The following OXR1 variants were observed in gnomAD, a reference collection of about 807,000 sequenced individuals.
The protein encoded by OXR1 is oxidation resistance 1, also known as oxidation resistance protein 1.
In OXR1, 41 loss-of-function variants were observed where a neutral mutation model predicts 104.6. The observed-to-expected ratio is 0.39, with a 90% CI of 0.31 to 0.51. The LOEUF (loss-of-function observed/expected upper bound fraction) is 0.51, where lower values mean the gene tolerates loss of function less well. Ranked by LOEUF, OXR1 falls within the 20% of genes least tolerant of loss-of-function variation. The pLI, the probability that OXR1 is intolerant of heterozygous loss-of-function variation, is 0.77. For synonymous variants in OXR1, 348 were observed against 348.4 expected (o/e 1.00, Z 0.01); for missense variants, 955 against 1,031.9 (o/e 0.93, Z 1.02).
At chr8:106,299,090 CA>C (rs1813125705) in intron 1 of OXR1, among the ~76,000 whole-genome samples, 1 of 152,022 alleles carries the variant, frequency 6.6e-6, no homozygotes, top group African/African-American at 2.4e-5. Flanking sequence ...TTTTAGACCA[CA>C]AAAGTTCATT....
chr8:106,493,821 G>T (rs1414385145), intron 2 of OXR1, among the ~76,000 whole-genome samples: 2 of 152,124 alleles, frequency 1.3e-5, no homozygotes, highest in Non-Finnish European at 2.9e-5. Flanking sequence ...GGCTAATTTA[G>T]TATTACATTA....
intron 2 of OXR1, among the ~76,000 whole-genome samples, chr8:106,454,891 G>A (rs1213151608): frequency 1.3e-5 from 2 of 151,944 alleles, no homozygotes; most frequent in South Asian, 4.1e-4. Context: ...AGATGGACGG[G>A]GTCTCTTCCG....
chr8:106,561,534 G>A (rs1315917100), intron 3 of OXR1, among the ~76,000 whole-genome samples: 2 of 152,170 alleles, frequency 1.3e-5, no homozygotes. Flanking sequence ...AGGAAGGGGC[G>A]GCTGTGGGCG....
chr8:106,420,909 G>T (rs571849538), intron 2 of OXR1, among the ~76,000 whole-genome samples: 1 of 151,956 alleles, frequency 6.6e-6, no homozygotes, highest in South Asian at 2.1e-4. Context: ...CACACTATAA[G>T]GGAAACTGCT....
At chr8:106,284,859 A>G (rs1469518335) in intron 1 of OXR1, among the ~76,000 whole-genome samples, 3 of 152,146 alleles carry the variant, frequency 2.0e-5, no homozygotes, top group Non-Finnish European at 2.9e-5. Flanking sequence ...TGCTATTGCC[A>G]TAGCTTACTT....
At chr8:106,495,543 A>C (rs1021605060) in intron 2 of OXR1, among the ~76,000 whole-genome samples, 1 of 152,186 alleles carries the variant, frequency 6.6e-6, no homozygotes, top group African/African-American at 2.4e-5. Context: ...AGCAGAAGTT[A>C]CTAGAAGTTT....
At chr8:106,496,542 A>G (rs760822963) in intron 2 of OXR1, among the ~76,000 whole-genome samples, 9 of 152,210 alleles carry the variant, frequency 5.9e-5, no homozygotes, top group South Asian at 2.1e-4. Context: ...CAACATTACT[A>G]GTACTATACC....
At chr8:106,737,466 T>TTTG in intron 11 of OXR1, 54 bp from the exon 12 acceptor site, 2 of 382,640 alleles carry the variant, frequency 5.2e-6, no homozygotes, top group Non-Finnish European at 9.2e-6. Flanking sequence ...TTTTTTTTTT[T>TTTG]GCTGTTTTTC....
At chr8:106,428,051 T>G (rs1819204185) in intron 2 of OXR1, among the ~76,000 whole-genome samples, 1 of 152,212 alleles carries the variant, frequency 6.6e-6, no homozygotes, top group South Asian at 2.1e-4. Flanking sequence ...ATTTAGTTGC[T>G]GTGGGTGGCT....
At chr8:106,535,111 C>A (rs1436583411) in intron 3 of OXR1, among the ~76,000 whole-genome samples, 1 of 152,138 alleles carries the variant, frequency 6.6e-6, no homozygotes, top group South Asian at 2.1e-4. Context: ...TACAGGCACC[C>A]GCCACCACAC....
intron 2 of OXR1, among the ~76,000 whole-genome samples, chr8:106,441,580 C>T (rs1819785580): frequency 6.6e-6 from 1 of 152,088 alleles, no homozygotes; most frequent in African/African-American, 2.4e-5. Context: ...TTTGTGTCCT[C>T]TCTTACTTCC....
chr8:106,679,043 C>T (rs28921395), intron 3 of OXR1, among the ~76,000 whole-genome samples, 167 bp from the exon 4 acceptor site: 18,645 of 151,866 alleles, frequency 0.12, 1,427 homozygotes, highest in East Asian at 0.33. Context: ...GTAGGAAGTT[C>T]AGTTCCTTTT....
chr8:106,448,544 T>C (rs943683010), intron 2 of OXR1, among the ~76,000 whole-genome samples: 1 of 152,146 alleles, frequency 6.6e-6, no homozygotes, highest in Non-Finnish European at 1.5e-5. Context: ...CTAAAATTAC[T>C]TGAAAAAAAC....
intron 3 of OXR1, among the ~76,000 whole-genome samples, chr8:106,633,868 G>C (rs143274152): frequency 2.9e-4 from 44 of 152,266 alleles, no homozygotes; most frequent in Non-Finnish European, 5.4e-4. Context: ...TTGAGGATTT[G>C]CTCCAAACTG....
chr8:106,740,627 A>G, intron 14 of OXR1, 132 bp downstream of exon 14: 1 of 718,460 alleles, frequency 1.4e-6, no homozygotes, highest in Non-Finnish European at 2.3e-6. Context: ...GGTACTTTTA[A>G]TATGCAAGGC....
intron 3 of OXR1, among the ~76,000 whole-genome samples, chr8:106,582,479 G>T (rs549723213): frequency 1.3e-5 from 2 of 152,046 alleles, no homozygotes; most frequent in African/African-American, 4.8e-5. Context: ...GCCTGCCATT[G>T]TAGAGCTTAC....
chr8:106,319,152 T>C (rs1814106088), intron 1 of OXR1, among the ~76,000 whole-genome samples: 1 of 152,240 alleles, frequency 6.6e-6, no homozygotes. Context: ...AACTGATTGC[T>C]TCATGGGTTC....
At chr8:106,520,466 G>A (rs185314672) in intron 3 of OXR1, 1 of 152,162 alleles carries the variant, frequency 6.6e-6, no homozygotes, top group Non-Finnish European at 1.5e-5. Flanking sequence ...TCAGAATTTG[G>A]CTGCTAAAAC....
chr8:106,307,279 G>A (rs1259478937), intron 1 of OXR1, among the ~76,000 whole-genome samples: 1 of 152,158 alleles, frequency 6.6e-6, no homozygotes, highest in Non-Finnish European at 1.5e-5. Context: ...TATACACAGT[G>A]CTTTGATGAA....
Sources: gnomAD v4.1 joint callset for allele counts (sites outside exome capture counted in the v4.1 genomes callset) on GRCh38, gnomAD v4.1.1 for gene constraint, MANE v1.5 for transcripts, NCBI Gene and HGNC (gene_info 2026-07-23, HGNC 2026-07-21) for gene names.